Variants in TULP4 observed in about 807,000 individuals in gnomAD.
The protein encoded by TULP4 is TUB like protein 4.
Under a neutral mutation model 129.0 loss-of-function variants are expected in TULP4, and 16 were observed. That is an observed-to-expected ratio of 0.12 (90% CI 0.08 to 0.19). The LOEUF (loss-of-function observed/expected upper bound fraction) is 0.19. TULP4 is among the 10% of genes least tolerant of loss of function. The pLI is 1.00. For synonymous variants in TULP4, 998 were observed against 854.0 expected (o/e 1.17, Z -2.94); for missense variants, 1,842 against 2,059.1 (o/e 0.89, Z 2.04).
chr6:158,488,935 C>T (rs888215306), intron 8 of TULP4, among the ~76,000 whole-genome samples: 5 of 152,210 alleles, frequency 3.3e-5, no homozygotes, highest in Admixed American at 1.3e-4. Flanking sequence ...ATCATCTCAC[C>T]GTCTGCCTGA....
At chr6:158,394,659 C>G (rs827970) in intron 1 of TULP4, among the ~76,000 whole-genome samples, 2 of 150,642 alleles carry the variant, frequency 1.3e-5, no homozygotes, top group East Asian at 2.0e-4. Flanking sequence ...TGGTGGCGGG[C>G]GCCTGTAGTC....
intron 1 of TULP4, among the ~76,000 whole-genome samples, chr6:158,390,722 G>A (rs898336999): frequency 6.6e-6 from 1 of 152,226 alleles, no homozygotes; most frequent in African/African-American, 2.4e-5. Flanking sequence ...CTCTTCAGTG[G>A]TGTCATGGAA....
At chr6:158,373,554 A>G (rs1249083012) in intron 1 of TULP4, among the ~76,000 whole-genome samples, 4 of 152,170 alleles carry the variant, frequency 2.6e-5, no homozygotes, top group African/African-American at 7.2e-5. Context: ...CTTACAAACT[A>G]TGGAGTTTAT....
At chr6:158,393,891 A>G (rs1230581116) in intron 1 of TULP4, among the ~76,000 whole-genome samples, 1 of 152,224 alleles carries the variant, frequency 6.6e-6, no homozygotes, top group Non-Finnish European at 1.5e-5. Flanking sequence ...GCAAATTTCT[A>G]TAGCTGGCAG....
rs34217788 is a variant in TULP4 at position 158,348,173 on chromosome 6, G to GTTTT, written c.252+33917_252+33920dup. Among the ~76,000 whole-genome samples the GTTTT allele has an allele frequency of 1.7e-4, 19 of 112,170 alleles. 2 individuals carry two copies. The highest frequency in any genetic ancestry group is 2.2e-4 in the Non-Finnish European group (13 of 59,670). 73.6% of individuals were successfully genotyped at this position (112,170 alleles called of 152,430 possible). A position where few individuals can be genotyped will look rare whatever the true frequency, so the allele number is the denominator to read the frequency against. ...TTTTGGTCTTTTTTTTTTTTTTAAG[G>GTTTT]TTTTTTTTTTTTTTTAGTATTTATT... On this transcript the variant is annotated intron_variant, in intron 1 of 13. Transcript: ENST00000367097.
chr6:158,480,471 C>A (rs1779915295), intron 7 of TULP4, among the ~76,000 whole-genome samples: 1 of 152,244 alleles, frequency 6.6e-6, no homozygotes, highest in African/African-American at 2.4e-5. Context: ...AGGAGGGCCA[C>A]TCCAGCCAGC....
intron 1 of TULP4, among the ~76,000 whole-genome samples, chr6:158,283,434 A>G (rs1778791088): frequency 6.6e-6 from 1 of 152,176 alleles, no homozygotes; most frequent in East Asian, 1.9e-4. Context: ...TGTAAAAGGT[A>G]AGGTTTTGGC....
chr6:158,248,783 T>C (rs1432041907), intron 1 of TULP4, among the ~76,000 whole-genome samples: 1 of 151,800 alleles, frequency 6.6e-6, no homozygotes, highest in African/African-American at 2.4e-5. Context: ...AATAAATAAA[T>C]AGTGATGCCT....
intron 1 of TULP4, among the ~76,000 whole-genome samples, chr6:158,284,106 G>T (rs1287798644): frequency 6.6e-6 from 1 of 152,140 alleles, no homozygotes; most frequent in Non-Finnish European, 1.5e-5. Flanking sequence ...AAATCCATAG[G>T]TGGGGAAAAA....
At chr6:158,461,411 C>CA (rs1172710735) in intron 5 of TULP4, 152 bp from the exon 6 acceptor site, 38,782 of 542,482 alleles carry the variant, frequency 0.071, 5 homozygotes, top group Middle Eastern at 0.079. Context: ...AACTCCGTCT[C>CA]AAAAAAAAAA....
Position 158,502,749 on chromosome 6 carries a change from G to C in TULP4, c.3086G>C (p.Arg1029Pro). 6.3e-7 allele frequency: 1 copy of C among 1,587,920 alleles called. No individual in the cohort carries two copies. The highest frequency in any genetic ancestry group is 8.6e-7 in the Non-Finnish European group (1 of 1,169,076). Residue 1029 changes from arginine (R) to proline (P), a missense_variant, in exon 13 of 14, where the codon CGG becomes CCG. Physicochemically the swap from Arg to Pro is moderately radical, Grantham distance 103 (BLOSUM62 -2). This residue lies in a region of TULP4 where 1,089 missense variants were observed against 987.1 expected (regional missense o/e 1.10). Coordinates refer to ENST00000367097, the MANE Select transcript of TULP4 (RefSeq NM_020245.5). The stretch of plus-strand genomic sequence containing the variant: ...GGGGTGGTGACACAGCTCCCAGCGC[G>C]GCCCCCACCTGCCCTGTACACCTGC... ...PGGVVTQLPA[R>P]PPPALYTCSQ...
intron 1 of TULP4, among the ~76,000 whole-genome samples, chr6:158,295,767 T>C (rs1013150197): frequency 2.6e-5 from 4 of 152,212 alleles, no homozygotes; most frequent in African/African-American, 9.6e-5. Context: ...GGCGGATGCC[T>C]GTAGTCCCAA....
chr6:158,482,456 T>C (rs1779969837), intron 8 of TULP4, among the ~76,000 whole-genome samples: 1 of 152,144 alleles, frequency 6.6e-6, no homozygotes, highest in African/African-American at 2.4e-5. Context: ...GACAAGCTAG[T>C]ACCAGGAACA....
intron 3 of TULP4, among the ~76,000 whole-genome samples, chr6:158,447,927 G>A (rs1466234012): frequency 1.3e-5 from 2 of 152,162 alleles, no homozygotes; most frequent in African/African-American, 4.8e-5. Flanking sequence ...AGTTTTTAAT[G>A]GCAACCAATG....
At chr6:158,249,895 G>T (rs996674547) in intron 1 of TULP4, among the ~76,000 whole-genome samples, 6 of 152,218 alleles carry the variant, frequency 3.9e-5, no homozygotes, top group African/African-American at 1.4e-4. Context: ...ATGATAGTGA[G>T]AATTGTATTT....
chr6:158,394,624 A>G (rs1777661662), intron 1 of TULP4, among the ~76,000 whole-genome samples: 1 of 151,534 alleles, frequency 6.6e-6, no homozygotes, highest in Non-Finnish European at 1.5e-5. Flanking sequence ...TCTACTAAAA[A>G]TACAAAAAAA....
upstream of TULP4, among the ~76,000 whole-genome samples, chr6:158,308,769 A>C: frequency 4.1e-5 from 5 of 121,132 alleles, no homozygotes; most frequent in African/African-American, 1.7e-4. Context: ...TGACCCCCCC[A>C]CCTCCCTCCC....
At chr6:158,450,066 A>C (rs1294008607) in intron 4 of TULP4, among the ~76,000 whole-genome samples, 1 of 152,232 alleles carries the variant, frequency 6.6e-6, no homozygotes, top group Non-Finnish European at 1.5e-5. Context: ...ATAATATGAT[A>C]ATATGTTATT....
At chr6:158,297,004 A>G (rs1178320466) in intron 1 of TULP4, among the ~76,000 whole-genome samples, 2 of 152,188 alleles carry the variant, frequency 1.3e-5, no homozygotes, top group African/African-American at 2.4e-5. Context: ...GCAGAGAACC[A>G]GTCTGACCTG....
Sources: gnomAD v4.1 joint callset for allele counts (sites outside exome capture counted in the v4.1 genomes callset) on GRCh38, gnomAD v4.1.1 for gene constraint, gnomAD v4.1.1 regional missense constraint, MANE v1.5 for transcripts, NCBI Gene and HGNC (gene_info 2026-07-23, HGNC 2026-07-21) for gene names.